The following QSOX1 variants were observed in gnomAD, a reference collection of about 807,000 sequenced individuals.
The protein encoded by QSOX1 is quiescin sulfhydryl oxidase 1.
A neutral mutation model predicts 76.1 loss-of-function variants in QSOX1; 40 were observed. That is an observed-to-expected ratio of 0.53 (90% CI 0.41 to 0.68). The LOEUF (loss-of-function observed/expected upper bound fraction) is 0.68, where lower values mean the gene tolerates loss of function less well. QSOX1 is among the 30% of genes least tolerant of loss of function. QSOX1 has a pLI of 0.00. For synonymous variants in QSOX1, 392 were observed against 413.1 expected (o/e 0.95, Z 0.62); for missense variants, 931 against 974.3 (o/e 0.96, Z 0.59).
At chr1:180,158,128 AC>A (rs1490753468) in intron 1 of QSOX1, among the ~76,000 whole-genome samples, 1 of 152,196 alleles carries the variant, frequency 6.6e-6, no homozygotes, top group East Asian at 1.9e-4. Flanking sequence ...CAGGTAAGTA[AC>A]TTTCCAGGTT....
At chr1:180,171,304 A>C (rs1313599014) in intron 2 of QSOX1, among the ~76,000 whole-genome samples, 1 of 152,128 alleles carries the variant, frequency 6.6e-6, no homozygotes, top group African/African-American at 2.4e-5. Context: ...TCAAATTCAT[A>C]GGACTTGTCA....
At chr1:180,163,811 A>G (rs1572038727) in intron 1 of QSOX1, among the ~76,000 whole-genome samples, 1 of 152,364 alleles carries the variant, frequency 6.6e-6, no homozygotes, top group Non-Finnish European at 1.5e-5. Context: ...TGACATAATC[A>G]GATCCACAGA....
chr1:180,173,658 A>C (rs1662813041), intron 2 of QSOX1, among the ~76,000 whole-genome samples: 1 of 152,174 alleles, frequency 6.6e-6, no homozygotes, highest in African/African-American at 2.4e-5. Flanking sequence ...AGAGGGTAGC[A>C]GGTGGCTTCC....
At position 180,198,121 on chromosome 1, in the gene QSOX1, A is replaced by C; in HGVS notation, c.*1084A>C. 1 of 452,888 alleles carries C rather than the reference A, an allele frequency of 2.2e-6. No individual in the cohort carries two copies. Among genetic ancestry groups the C allele is most frequent in the Non-Finnish European group, 4.5e-6 (1 of 224,002 alleles). 28.1% of individuals were successfully genotyped at this position (452,888 alleles called of 1,614,324 possible). ...CAGAGACCAGCCTCACCTGGAATGC[A>C]GCCAGACTCGATGTCCCTCAGCACA... On this transcript the variant is annotated 3_prime_UTR_variant, in exon 12 of 12. Coordinates refer to ENST00000367602, the MANE Select transcript of QSOX1 (RefSeq NM_002826.5).
chr1:180,194,321 G>A lies in QSOX1; in HGVS notation c.1397G>A (p.Arg466Gln), dbSNP rs546683425. ...FEQMAAASMH[R>Q]VGSPNAAVLW... ...CAGATGGCTGCTGCCTCCATGCACC[G>A]GGTGGGGAGTCCCAACGCCGCTGTC... Residue 466 changes from arginine (R) to glutamine (Q), a missense_variant, in exon 11 of 12, where the codon CGG becomes CAG. Physicochemically the swap from Arg to Gln is conservative, Grantham distance 43 (BLOSUM62 1). Transcript: ENST00000367602. The A allele has an allele frequency of 2.7e-5, 44 of 1,610,028 alleles. No homozygotes were observed. The highest frequency in any genetic ancestry group is 2.4e-4 in the South Asian group (22 of 90,714).
In QSOX1 at chr1:180,198,245, A is replaced by T. The variant is rs192185246; in HGVS notation, c.*1208A>T. 6.7e-3 allele frequency: 3,068 copies of T among 456,220 alleles called. 19 individuals carry two copies. The highest frequency in any genetic ancestry group is 9.5e-3 in the Non-Finnish European group (2,166 of 226,832). 28.3% of individuals were successfully genotyped at this position (456,220 alleles called of 1,614,324 possible). On this transcript the variant is annotated 3_prime_UTR_variant, in exon 12 of 12. Transcript: ENST00000367602. ...AGGCCTCTGGATGTGCAGCCTTGCC[A>T]CCCCCTGCCCCAATCCTCCCTGAGA...
At chr1:180,176,563 C>T (rs1057450045) in intron 4 of QSOX1, among the ~76,000 whole-genome samples, 6 of 152,140 alleles carry the variant, frequency 3.9e-5, no homozygotes, top group South Asian at 2.1e-4. Context: ...GTGCAGTGGC[C>T]GGTGCTCTGT....
chr1:180,178,966 A>T, intron 5 of QSOX1, 82 bp downstream of exon 5: 1 of 1,276,490 alleles, frequency 7.8e-7, no homozygotes, highest in South Asian at 1.2e-5. Flanking sequence ...TTTTCCTGCC[A>T]ATTCTAGGGT....
chr1:180,161,397 C>G (rs1021457502), intron 1 of QSOX1, among the ~76,000 whole-genome samples: 1 of 152,156 alleles, frequency 6.6e-6, no homozygotes, highest in African/African-American at 2.4e-5. Context: ...CAGATTTCAC[C>G]TGCAGTACCT....
intron 10 of QSOX1, among the ~76,000 whole-genome samples, chr1:180,193,920 C>T (rs1448746303): frequency 6.6e-6 from 1 of 152,122 alleles, no homozygotes; most frequent in East Asian, 1.9e-4. Context: ...GAGTTTCCTG[C>T]CAAGGAGTGT....
chr1:180,178,896 T>A lies in QSOX1; in HGVS notation c.606+12T>A, dbSNP rs1212569015. 3.1e-6 allele frequency: 5 copies of A among 1,603,856 alleles called. No homozygotes were observed. The highest frequency in any genetic ancestry group is 4.3e-6 in the Non-Finnish European group (5 of 1,170,840). Reference sequence around the variant, plus strand: ...ACCTGGGTAGAGAGGTGAGCTGCCCTGAAGTTCCCTGCAATTCTTGGATAG... The same window carrying A: ...ACCTGGGTAGAGAGGTGAGCTGCCCAGAAGTTCCCTGCAATTCTTGGATAG... On this transcript the variant is annotated intron_variant, in intron 5 of 11. Transcript: ENST00000367602.
intron 9 of QSOX1, 58 bp from the exon 10 acceptor site, chr1:180,190,375 C>G: frequency 1.3e-6 from 2 of 1,550,052 alleles, no homozygotes; most frequent in Non-Finnish European, 1.8e-6. Context: ...GCTTCTGTCT[C>G]TGCCTCTCCC....
chr1:180,183,047 A>G (rs1179972588), intron 6 of QSOX1, among the ~76,000 whole-genome samples: 1 of 152,148 alleles, frequency 6.6e-6, no homozygotes, highest in Non-Finnish European at 1.5e-5. Flanking sequence ...GCCACCAAGG[A>G]CAGGGAGGCA....
chr1:180,184,525 C>A (rs1030877961), intron 7 of QSOX1, among the ~76,000 whole-genome samples: 1 of 152,152 alleles, frequency 6.6e-6, no homozygotes, highest in African/African-American at 2.4e-5. Context: ...GGCACCCAAC[C>A]TCACTTGAAT....
chr1:180,158,596 A>C (rs1000241219), intron 1 of QSOX1, among the ~76,000 whole-genome samples: 1 of 152,148 alleles, frequency 6.6e-6, no homozygotes, highest in African/African-American at 2.4e-5. Context: ...AGGAGGAAGG[A>C]AGGCATGAGT....
rs1232454589 is a variant in QSOX1, at chr1:180,155,107, C to T, written c.200C>T (p.Ala67Val). The stretch of plus-strand genomic sequence containing the variant: ...AGCGCCTGGGCCGTGGAGTTCTTCG[C>T]CTCCTGGTGCGGCCACTGCATCGCC... The part of the protein sequence containing the change: ...SRSAWAVEFF[A>V]SWCGHCIAFA... Residue 67 changes from alanine (A) to valine (V), a missense_variant, in exon 1 of 12, where the codon GCC (alanine) becomes GTC (valine). Physicochemically the swap from Ala to Val is moderately conservative, Grantham distance 64. Transcript: ENST00000367602. 2.0e-6 allele frequency: 3 copies of T among 1,522,852 alleles called. No homozygotes were observed. The highest frequency in any genetic ancestry group is 1.8e-6 in the Non-Finnish European group (2 of 1,140,240). The allele number at this position is 1,522,852 out of a possible 1,614,324, so 94.3% of individuals were successfully genotyped here.
In QSOX1 at chr1:180,180,163, T is replaced by G. The variant is rs1380875393; in HGVS notation, c.606+1279T>G. Among the ~76,000 whole-genome samples, 4 of 152,398 alleles carry G rather than the reference T, an allele frequency of 2.6e-5. No individual in the cohort carries two copies. In the East Asian group the frequency reaches 7.7e-4, roughly 29 times the overall value. ...TGATCTGGAGGCATGATTTCACTTCTAAGCCTCAGTTTCTCCAGCTACAAG... is the reference window on the plus strand; with the variant it reads ...TGATCTGGAGGCATGATTTCACTTCGAAGCCTCAGTTTCTCCAGCTACAAG... On this transcript the variant is annotated intron_variant, in intron 5 of 11. Coordinates refer to ENST00000367602, the MANE Select transcript of QSOX1 (RefSeq NM_002826.5).
Position 180,198,229 on chromosome 1 carries a change from G to A in QSOX1, c.*1192G>A, listed in dbSNP as rs1298977491. 2 of 456,574 alleles carry A rather than the reference G, an allele frequency of 4.4e-6. No individual in the cohort carries two copies. Among genetic ancestry groups the A allele is most frequent in the Non-Finnish European group, 8.8e-6 (2 of 226,966 alleles). 28.3% of individuals were successfully genotyped at this position (456,574 alleles called of 1,614,324 possible). On this transcript the variant is annotated 3_prime_UTR_variant, in exon 12 of 12. Coordinates refer to ENST00000367602, the MANE Select transcript of QSOX1 (RefSeq NM_002826.5). ...TTTCATGCACGGAGACAGGCCTCTGGATGTGCAGCCTTGCCACCCCCTGCC... is the reference window on the plus strand; with the variant it reads ...TTTCATGCACGGAGACAGGCCTCTGAATGTGCAGCCTTGCCACCCCCTGCC...
intron 1 of QSOX1, among the ~76,000 whole-genome samples, chr1:180,156,973 G>T (rs1662388643): frequency 6.6e-6 from 1 of 152,190 alleles, no homozygotes; most frequent in Non-Finnish European, 1.5e-5. Flanking sequence ...TTAGCTTCCA[G>T]CTGACTCACA....
Sources: gnomAD v4.1 joint callset for allele counts (sites outside exome capture counted in the v4.1 genomes callset) on GRCh38, gnomAD v4.1.1 for gene constraint, MANE v1.5 for transcripts, NCBI Gene and HGNC (gene_info 2026-07-23, HGNC 2026-07-21) for gene names.